Variants in DLG2 observed in about 807,000 individuals in gnomAD.
DLG2 encodes discs large MAGUK scaffold protein 2, also known as disks large homolog 2.
In DLG2, 45 loss-of-function variants were observed where a neutral mutation model predicts 132.5. That is an observed-to-expected ratio of 0.34 (90% CI 0.27 to 0.44). The LOEUF is 0.44. Among genes scored for constraint, DLG2 ranks in the 20% least tolerant of loss-of-function variants. The pLI is 1.00. For synonymous variants in DLG2, 424 were observed against 419.6 expected (o/e 1.01, Z -0.13); for missense variants, 1,045 against 1,196.9 (o/e 0.87, Z 1.87).
intron 19 of DLG2, among the ~76,000 whole-genome samples, chr11:83,564,432 C>T (rs1211492117): frequency 1.3e-5 from 2 of 152,152 alleles, no homozygotes; most frequent in African/African-American, 4.8e-5. Context: ...CATTGCTTCA[C>T]AAGGTTGCTA....
chr11:84,042,049 T>A (rs1182058165), intron 11 of DLG2, among the ~76,000 whole-genome samples: 1 of 151,940 alleles, frequency 6.6e-6, no homozygotes, highest in Admixed American at 6.6e-5. Flanking sequence ...CAATAAACAA[T>A]TTCTTTTGTA....
intron 7 of DLG2, among the ~76,000 whole-genome samples, chr11:84,268,447 A>G (rs879281587): frequency 5.4e-5 from 8 of 149,058 alleles, no homozygotes; most frequent in Non-Finnish European, 1.2e-4. Flanking sequence ...ACTGTGGGAA[A>G]GGTACTTCAC....
Position 85,380,233 on chromosome 11 carries a change from C to T in DLG2, c.41-94868G>A, listed in dbSNP as rs140604075. ...ATATAGTGTTTATTCCAGTGGTATACAACAATGTTGCCACATTGAAATTCT... is the reference window on the plus strand; with the variant it reads ...ATATAGTGTTTATTCCAGTGGTATATAACAATGTTGCCACATTGAAATTCT... On this transcript the variant is annotated intron_variant, in intron 3 of 27. Coordinates refer to ENST00000376104, the MANE Select transcript of DLG2 (RefSeq NM_001142699.3). Among the ~76,000 whole-genome samples, 105 of 152,282 alleles carry T rather than the reference C, an allele frequency of 6.9e-4. 2 individuals are homozygous for T. In the East Asian group the frequency reaches 0.013, roughly 20 times the overall value.
chr11:83,668,882 T>C (rs1245048123), intron 18 of DLG2, among the ~76,000 whole-genome samples: 2 of 144,094 alleles, frequency 1.4e-5, no homozygotes, highest in Non-Finnish European at 1.5e-5. Flanking sequence ...TTTTTTATGA[T>C]AGACTATGAG....
At chr11:85,553,366 C>G (rs981143562) in intron 3 of DLG2, among the ~76,000 whole-genome samples, 1 of 151,086 alleles carries the variant, frequency 6.6e-6, no homozygotes, top group Non-Finnish European at 1.5e-5. Flanking sequence ...CTTCATTAAG[C>G]TTACATCATA....
intron 9 of DLG2, among the ~76,000 whole-genome samples, chr11:84,130,938 CAT>C: frequency 6.6e-6 from 1 of 150,796 alleles, no homozygotes; most frequent in South Asian, 2.1e-4. Flanking sequence ...AAAAGGCAAA[CAT>C]ATTACAAAAC....
intron 7 of DLG2, among the ~76,000 whole-genome samples, chr11:84,298,576 A>T (rs2098118833): frequency 6.6e-6 from 1 of 152,230 alleles, no homozygotes; most frequent in African/African-American, 2.4e-5. Context: ...AATAAGGTAT[A>T]CTTTGTTTTC....
Position 85,161,117 on chromosome 11 carries a change from G to A in DLG2, c.187-6466C>T, listed in dbSNP as rs1313781579. Among the ~76,000 whole-genome samples the A allele has an allele frequency of 1.3e-5, 2 of 152,200 alleles. 1 individual carries two copies. The highest frequency in any genetic ancestry group is 4.1e-4 in the South Asian group (2 of 4,836). ...GGGGTATGTGGATGGATATCTGAGTGGTCAAAAACCGTGAAGATATTTGTA... is the reference window on the plus strand; with the variant it reads ...GGGGTATGTGGATGGATATCTGAGTAGTCAAAAACCGTGAAGATATTTGTA... On this transcript the variant is annotated intron_variant, in intron 4 of 27. Coordinates refer to ENST00000376104, the MANE Select transcript of DLG2 (RefSeq NM_001142699.3).
intron 7 of DLG2, among the ~76,000 whole-genome samples, chr11:84,342,843 C>T (rs1293132915): frequency 6.6e-6 from 1 of 152,098 alleles, no homozygotes; most frequent in African/African-American, 2.4e-5. Context: ...ATAATATCAA[C>T]ATGCTAATAA....
intron 4 of DLG2, among the ~76,000 whole-genome samples, chr11:85,171,141 A>G (rs1319512107): frequency 6.6e-6 from 1 of 152,186 alleles, no homozygotes; most frequent in Non-Finnish European, 1.5e-5. Context: ...AATTAGAAGC[A>G]GCTGCAGTCT....
chr11:85,476,062 A>G (rs1176956568), intron 3 of DLG2, among the ~76,000 whole-genome samples: 2 of 152,130 alleles, frequency 1.3e-5, no homozygotes, highest in Non-Finnish European at 2.9e-5. Flanking sequence ...TTAACACAAT[A>G]GAGTGTACTT....
rs112319678 is a variant in DLG2 at position 83,583,064 on chromosome 11, T to C, written c.1941-41206A>G. ...TCTTGCTCTTTTCACCCCAATGCTA[T>C]TGGATCAGTGCAGAAGCTAATTTGC... On this transcript the variant is annotated intron_variant, in intron 19 of 27. Transcript: ENST00000376104. 2.4e-3 allele frequency among the ~76,000 whole-genome samples: 372 copies of C among 152,310 alleles called. 3 individuals are homozygous for C. The highest frequency in any genetic ancestry group is 8.5e-3 in the African/African-American group (355 of 41,572).
intron 6 of DLG2, among the ~76,000 whole-genome samples, chr11:85,069,726 A>G (rs1057401052): frequency 6.6e-6 from 1 of 152,176 alleles, no homozygotes; most frequent in Non-Finnish European, 1.5e-5. Flanking sequence ...TAGTTTAACC[A>G]TTGTGGAAGT....
intron 6 of DLG2, among the ~76,000 whole-genome samples, chr11:84,706,218 G>A (rs763129199): frequency 1.3e-5 from 2 of 151,744 alleles, no homozygotes; most frequent in African/African-American, 4.8e-5. Context: ...CTAAACAAAC[G>A]AATGTTCTTG....
intron 3 of DLG2, among the ~76,000 whole-genome samples, chr11:85,404,277 C>T (rs1434287088): frequency 1.3e-5 from 2 of 151,868 alleles, no homozygotes; most frequent in African/African-American, 2.4e-5. Context: ...AAGAAGAGTG[C>T]ACAGAGGTGA....
chr11:83,513,890 C>G (rs2095171380), intron 21 of DLG2, among the ~76,000 whole-genome samples: 1 of 152,104 alleles, frequency 6.6e-6, no homozygotes, highest in Non-Finnish European at 1.5e-5. Flanking sequence ...TGGTCTATAT[C>G]TCTGTTTTGA....
chr11:84,533,051 C>T (rs184466421), intron 7 of DLG2, among the ~76,000 whole-genome samples: 10 of 151,894 alleles, frequency 6.6e-5, no homozygotes, highest in East Asian at 1.9e-4. Flanking sequence ...TACCCTTCTG[C>T]GGAAGAAGGA....
intron 6 of DLG2, among the ~76,000 whole-genome samples, chr11:84,593,603 C>T (rs184486776): frequency 1.3e-5 from 2 of 152,178 alleles, no homozygotes; most frequent in African/African-American, 4.8e-5. Context: ...ACAATGAGAA[C>T]ACATGGACAC....
chr11:83,763,173 A>T (rs933853675), intron 18 of DLG2, among the ~76,000 whole-genome samples: 1 of 152,120 alleles, frequency 6.6e-6, no homozygotes, highest in African/African-American at 2.4e-5. Flanking sequence ...GAAATTAAGA[A>T]TTTTTTTAAC....
Sources: gnomAD v4.1 joint callset for allele counts (sites outside exome capture counted in the v4.1 genomes callset) on GRCh38, gnomAD v4.1.1 for gene constraint, MANE v1.5 for transcripts, NCBI Gene and HGNC (gene_info 2026-07-23, HGNC 2026-07-21) for gene names.